RALY: variants seen among roughly 807,000 people sequenced by gnomAD.
RALY encodes RNA-binding protein Raly.
In RALY, 15 loss-of-function variants were observed where a neutral mutation model predicts 30.7. The observed-to-expected ratio is 0.49, with a 90% CI of 0.33 to 0.75. RALY has a LOEUF of 0.75. Ranked by LOEUF, RALY falls within the 30% of genes least tolerant of loss-of-function variation. RALY has a pLI of 0.02. For missense variants in RALY, 339 were observed against 414.3 expected, an observed-to-expected ratio of 0.82 and a Z score of 1.58; for synonymous variants, 177 against 170.8, an observed-to-expected ratio of 1.04 and a Z score of -0.28.
intron 1 of RALY, among the ~76,000 whole-genome samples, chr20:34,009,458 G>C (rs1242525246): frequency 6.6e-6 from 1 of 151,966 alleles, no homozygotes; most frequent in East Asian, 1.9e-4. Context: ...GGCTGATCTC[G>C]AACTCCTGAC....
chr20:34,009,111 A>C (rs570328139), intron 1 of RALY, among the ~76,000 whole-genome samples: 1 of 152,156 alleles, frequency 6.6e-6, no homozygotes, highest in South Asian at 2.1e-4. Context: ...AGAAAGTAGC[A>C]GAGGCTAGAG....
chr20:34,067,816 CTTTTTTT>C (rs11480087), intron 2 of RALY, among the ~76,000 whole-genome samples: 2 of 132,700 alleles, frequency 1.5e-5, no homozygotes, highest in Admixed American at 7.7e-5. Context: ...TTTCTTTTTT[CTTTTTTT>C]TTTTTTTTTG....
rs920310075 is a variant in RALY at position 34,038,907 on chromosome 20, G to C, written c.-10+7303G>C. Among the ~76,000 whole-genome samples, 5 of 152,182 alleles carry C rather than the reference G, an allele frequency of 3.3e-5. No homozygotes were observed. The East Asian group carries it at 5.8e-4, about 18-fold the overall frequency. ...GGAATAAATTCTGATACCATGTGTTGAGTGTCAGATTGAAGTAGGAGAGTG... is the reference window on the plus strand; with the variant it reads ...GGAATAAATTCTGATACCATGTGTTCAGTGTCAGATTGAAGTAGGAGAGTG... On this transcript the variant is annotated intron_variant, in intron 2 of 9. Transcript: ENST00000246194.
At chr20:33,998,627 C>A (rs2030754849) in intron 1 of RALY, among the ~76,000 whole-genome samples, 1 of 151,958 alleles carries the variant, frequency 6.6e-6, no homozygotes, top group African/African-American at 2.4e-5. Context: ...GGCCTTCTTG[C>A]CTGTGTTGAG....
chr20:34,078,407 C>A, intron 8 of RALY, 98 bp from the exon 9 acceptor site: 1 of 1,061,606 alleles, frequency 9.4e-7, no homozygotes, highest in Non-Finnish European at 1.3e-6. Flanking sequence ...CCTCTAGATG[C>A]CCTCTGGACC....
At chr20:34,051,615 A>C (rs1295644297) in intron 2 of RALY, among the ~76,000 whole-genome samples, 1 of 151,804 alleles carries the variant, frequency 6.6e-6, no homozygotes, top group Non-Finnish European at 1.5e-5. Flanking sequence ...TTTGTTTTTG[A>C]GACAGAGTCT....
intron 2 of RALY, among the ~76,000 whole-genome samples, chr20:34,063,227 A>T (rs2123221896): frequency 6.6e-6 from 1 of 152,316 alleles, no homozygotes; most frequent in East Asian, 1.9e-4. Context: ...ACAAGTATTG[A>T]TGATGGTTAT....
intron 5 of RALY, among the ~76,000 whole-genome samples, chr20:34,074,132 T>C (rs1229850000): frequency 6.6e-6 from 1 of 152,180 alleles, no homozygotes; most frequent in Non-Finnish European, 1.5e-5. Context: ...AAGGAGACCG[T>C]ACAGCCAAGA....
chr20:34,046,364 G>A (rs1205047394), intron 2 of RALY, among the ~76,000 whole-genome samples: 2 of 152,198 alleles, frequency 1.3e-5, no homozygotes, highest in African/African-American at 4.8e-5. Flanking sequence ...CTTGACTTCT[G>A]GGAGTGGTTT....
chr20:34,070,525 A>G (rs1380544697), intron 2 of RALY, among the ~76,000 whole-genome samples: 1 of 152,216 alleles, frequency 6.6e-6, no homozygotes, highest in Non-Finnish European at 1.5e-5. Context: ...TAGTATTAAT[A>G]TGGGTAACTA....
intron 4 of RALY, 69 bp from the exon 5 acceptor site, chr20:34,073,750 T>C: frequency 6.4e-7 from 1 of 1,567,380 alleles, no homozygotes; most frequent in Non-Finnish European, 8.8e-7. Context: ...TGTCTGGAGA[T>C]GAGGGCCTGT....
chr20:34,050,816 G>C (rs1021360794), intron 2 of RALY, among the ~76,000 whole-genome samples: 32 of 152,256 alleles, frequency 2.1e-4, no homozygotes, highest in African/African-American at 5.5e-4. Context: ...CCCACAGCCA[G>C]TATGCTATCT....
intron 2 of RALY, among the ~76,000 whole-genome samples, chr20:34,052,054 A>G (rs2033095788): frequency 6.6e-6 from 1 of 152,248 alleles, no homozygotes; most frequent in African/African-American, 2.4e-5. Flanking sequence ...TGCAAATCAC[A>G]GTAGGTTAGA....
chr20:34,005,812 C>T (rs566456987), intron 1 of RALY, among the ~76,000 whole-genome samples: 4 of 152,238 alleles, frequency 2.6e-5, no homozygotes, highest in South Asian at 2.1e-4. Context: ...TTCACAGATA[C>T]GTCTTTGCAG....
At chr20:34,025,615 G>A (rs569961088) in intron 1 of RALY, among the ~76,000 whole-genome samples, 1 of 151,852 alleles carries the variant, frequency 6.6e-6, no homozygotes, top group African/African-American at 2.4e-5. Flanking sequence ...AACACCTTTC[G>A]GTCAGTCTTC....
intron 7 of RALY, 62 bp downstream of exon 7, chr20:34,076,877 A>T (rs569566605): frequency 6.3e-7 from 1 of 1,595,076 alleles, no homozygotes; most frequent in South Asian, 1.1e-5. Context: ...GCATGGGGAA[A>T]TAGTACATGG....
At chr20:34,004,067 T>C (rs955799549) in intron 1 of RALY, among the ~76,000 whole-genome samples, 2 of 152,206 alleles carry the variant, frequency 1.3e-5, no homozygotes, top group African/African-American at 2.4e-5. Flanking sequence ...TTAGTAGTTA[T>C]AGATATGAAT....
chr20:34,033,407 A>G (rs2032358563), intron 2 of RALY, among the ~76,000 whole-genome samples: 1 of 152,194 alleles, frequency 6.6e-6, no homozygotes, highest in Non-Finnish European at 1.5e-5. Context: ...ATAAAGAGAA[A>G]AGGTTTATTT....
chr20:34,064,386 G>T (rs1179054288), intron 2 of RALY, among the ~76,000 whole-genome samples: 2 of 152,194 alleles, frequency 1.3e-5, no homozygotes, highest in Non-Finnish European at 1.5e-5. Context: ...CTGCTTTGGG[G>T]TATCCTCTCA....
Sources: allele counts gnomAD v4.1 joint callset (sites outside exome capture counted in the v4.1 genomes callset), GRCh38; gene constraint gnomAD v4.1.1; transcripts MANE v1.5; gene names NCBI Gene and HGNC (gene_info 2026-07-23, HGNC 2026-07-21).